MSH3: variants seen among roughly 807,000 people sequenced by gnomAD.
MSH3 encodes mutS homolog 3.
Under a neutral mutation model 123.3 loss-of-function variants are expected in MSH3, and 106 were observed. The ratio of observed to expected loss-of-function variants is 0.86; its 90% CI spans 0.73 to 1.01. The LOEUF (loss-of-function observed/expected upper bound fraction) is 1.01, where lower values mean the gene tolerates loss of function less well. Ranked by LOEUF, MSH3 falls within the 50% of genes least tolerant of loss-of-function variation. The pLI is 0.00. For synonymous variants in MSH3, 515 were observed against 481.4 expected (o/e 1.07, Z -0.91); for missense variants, 1,459 against 1,347.6 (o/e 1.08, Z -1.29).
At position 80,699,139 on chromosome 5, in the gene MSH3, A is replaced by G. The variant is rs185287704; in HGVS notation, c.1340+20046A>G. Among the ~76,000 whole-genome samples, 15 of 152,276 alleles carry G rather than the reference A, an allele frequency of 9.9e-5. No homozygotes were observed. In the East Asian group the frequency reaches 2.1e-3, roughly 22 times the overall value. On this transcript the variant is annotated intron_variant, in intron 8 of 23. Coordinates refer to ENST00000265081, the MANE Select transcript of MSH3 (RefSeq NM_002439.5). The stretch of plus-strand genomic sequence containing the variant: ...GCACCTATCAAAGTAGCTCACACAT[A>G]ATAGGTGCTTAATAAATGCTTGGTA...
Position 80,867,047 on chromosome 5 carries a change from G to C in MSH3, c.3130+2105G>C, listed in dbSNP as rs1039374069. Among the ~76,000 whole-genome samples the C allele has an allele frequency of 5.3e-5, 8 of 152,174 alleles. No individual in the cohort carries two copies. In the South Asian group the frequency reaches 1.2e-3, roughly 24 times the overall value. On this transcript the variant is annotated intron_variant, in intron 22 of 23. Transcript: ENST00000265081. ...CTCCTGCTCATCTGAACTGGCTGCT[G>C]TCTGGGCCTGCGGCACAGCTGTCAT... is the stretch of plus-strand genomic sequence containing the variant.
chr5:80,825,933 T>C (rs781165995), intron 20 of MSH3, among the ~76,000 whole-genome samples: 1 of 152,246 alleles, frequency 6.6e-6, no homozygotes, highest in Non-Finnish European at 1.5e-5. Context: ...TCTGACAAAC[T>C]GCCAGGCTTC....
chr5:80,811,791 T>C (rs937706096), intron 19 of MSH3, among the ~76,000 whole-genome samples: 2 of 148,124 alleles, frequency 1.4e-5, no homozygotes, highest in African/African-American at 5.0e-5. Context: ...AAAAAAGAGA[T>C]TAAAAAGAGA....
chr5:80,733,437 A>G (rs1743447305), intron 10 of MSH3, among the ~76,000 whole-genome samples: 1 of 152,162 alleles, frequency 6.6e-6, no homozygotes, highest in South Asian at 2.1e-4. Context: ...TAACTATGAC[A>G]TCAAAAACAC....
chr5:80,721,066 C>T (rs1751069213), intron 8 of MSH3, among the ~76,000 whole-genome samples: 1 of 152,138 alleles, frequency 6.6e-6, no homozygotes, highest in South Asian at 2.1e-4. Flanking sequence ...TAATTTTCCA[C>T]CAGTATATTT....
intron 7 of MSH3, among the ~76,000 whole-genome samples, chr5:80,677,333 T>G (rs914040355): frequency 6.6e-6 from 1 of 152,186 alleles, no homozygotes; most frequent in African/African-American, 2.4e-5. Context: ...TTTAGGTTTC[T>G]CAGTGTGATA....
chr5:80,720,824 A>T (rs781782376), intron 8 of MSH3, among the ~76,000 whole-genome samples: 1 of 152,154 alleles, frequency 6.6e-6, no homozygotes, highest in South Asian at 2.1e-4. Flanking sequence ...CATGGGTTCA[A>T]AATAGCTTTT....
chr5:80,679,193 C>G (rs1156549618), intron 8 of MSH3, 100 bp downstream of exon 8: 7 of 1,260,452 alleles, frequency 5.6e-6, no homozygotes, highest in Non-Finnish European at 6.9e-6. Context: ...TTTTTACTTA[C>G]AAAAATTATA....
intron 22 of MSH3, 79 bp downstream of exon 22, chr5:80,865,021 C>G: frequency 7.4e-7 from 1 of 1,343,678 alleles, no homozygotes; most frequent in Non-Finnish European, 1.1e-6. Context: ...CATGAACTTA[C>G]TGCTTATTAA....
intron 20 of MSH3, among the ~76,000 whole-genome samples, chr5:80,842,048 G>GT: frequency 6.6e-6 from 1 of 152,196 alleles, no homozygotes; most frequent in Non-Finnish European, 1.5e-5. Flanking sequence ...GGTCTTACAT[G>GT]TAAGTATTTA....
chr5:80,658,476 A>G (rs1191112928), intron 2 of MSH3, among the ~76,000 whole-genome samples: 3 of 152,232 alleles, frequency 2.0e-5, no homozygotes, highest in Non-Finnish European at 4.4e-5. Flanking sequence ...ATGTTGTTGA[A>G]ATAAGACAAC....
intron 23 of MSH3, among the ~76,000 whole-genome samples, chr5:80,875,235 A>G (rs1188731861): frequency 2.6e-5 from 4 of 152,100 alleles, no homozygotes; most frequent in Non-Finnish European, 5.9e-5. Context: ...TCACACAGCT[A>G]CTTGATGGTG....
chr5:80,789,482 T>C (rs1349123107), intron 18 of MSH3, among the ~76,000 whole-genome samples: 1 of 151,958 alleles, frequency 6.6e-6, no homozygotes, highest in South Asian at 2.1e-4. Context: ...GGGATTCTCC[T>C]GCCTCAGCCC....
At chr5:80,873,049 C>T (rs1482272148) in intron 22 of MSH3, 67 bp from the exon 23 acceptor site, 1 of 1,357,154 alleles carries the variant, frequency 7.4e-7, no homozygotes. Context: ...ACTTACATGT[C>T]CTTTTTAATC....
intron 8 of MSH3, among the ~76,000 whole-genome samples, chr5:80,679,664 T>G (rs2195291): frequency 0.12 from 18,428 of 152,206 alleles, 1,557 homozygotes; most frequent in East Asian, 0.33. Flanking sequence ...TGAAGCAGTG[T>G]GCTAGGCGCT....
intron 8 of MSH3, among the ~76,000 whole-genome samples, chr5:80,716,347 A>G (rs952759743): frequency 6.6e-6 from 1 of 152,156 alleles, no homozygotes; most frequent in African/African-American, 2.4e-5. Context: ...TCGATTCTTA[A>G]AAGAAAACTT....
chr5:80,691,714 C>G (rs1373946145), intron 8 of MSH3, among the ~76,000 whole-genome samples: 2 of 148,740 alleles, frequency 1.3e-5, no homozygotes, highest in Middle Eastern at 3.6e-3. Flanking sequence ...GCTATTTGCC[C>G]TATCAAAACT....
intron 2 of MSH3, among the ~76,000 whole-genome samples, chr5:80,658,037 C>CTTTTTTTTTTTTTTTTT (rs397942439): frequency 6.0e-5 from 7 of 116,618 alleles, no homozygotes; most frequent in African/African-American, 2.1e-4. Flanking sequence ...TTTTTGCCCT[C>CTTTTTTTTTTTTTTTTT]TTTTTTTTTT....
intron 12 of MSH3, among the ~76,000 whole-genome samples, chr5:80,753,625 C>G (rs762513089): frequency 5.9e-5 from 9 of 152,136 alleles, no homozygotes; most frequent in Non-Finnish European, 1.3e-4. Context: ...GGGAAGCTAG[C>G]TGTTAACACA....
Sources: gnomAD v4.1 joint callset for allele counts (sites outside exome capture counted in the v4.1 genomes callset) on GRCh38, gnomAD v4.1.1 for gene constraint, MANE v1.5 for transcripts, NCBI Gene and HGNC (gene_info 2026-07-23, HGNC 2026-07-21) for gene names.